Variants in CPEB1 observed in about 807,000 individuals in gnomAD.
The protein encoded by CPEB1 is cytoplasmic polyadenylation element-binding protein 1.
A neutral mutation model predicts 65.8 loss-of-function variants in CPEB1; 7 were observed. The ratio of observed to expected loss-of-function variants is 0.11; its 90% CI spans 0.06 to 0.20. The LOEUF is 0.20. Ranked by LOEUF, CPEB1 falls within the 10% of genes least tolerant of loss-of-function variation. The pLI is 1.00. For synonymous variants in CPEB1, 262 were observed against 260.0 expected (o/e 1.01, Z -0.08); for missense variants, 551 against 712.2 (o/e 0.77, Z 2.58).
rs904780774 is a variant in CPEB1 at position 82,637,892 on chromosome 15, A to G, written c.-98+9245T>C. ...AAGTAGGTCATATGAATATTCACCC[A>G]TTAGAAATTAAAAAGGGGTAGATTT... On this transcript the variant is annotated intron_variant, in intron 1 of 12. Coordinates refer to ENST00000684509, the MANE Select transcript of CPEB1 (RefSeq NM_001365242.1). 4 of 413,254 alleles carry G rather than the reference A, an allele frequency of 9.7e-6. No individual in the cohort carries two copies. In the Admixed American group the frequency reaches 1.1e-4, roughly 11 times the overall value. The allele number at this position is 413,254 out of a possible 1,614,324, so 25.6% of individuals were successfully genotyped here. A position where few individuals can be genotyped will look rare whatever the true frequency, so the allele number is the denominator to read the frequency against.
intron 3 of CPEB1, among the ~76,000 whole-genome samples, chr15:82,605,638 G>A (rs371503286): frequency 2.0e-5 from 3 of 152,174 alleles, no homozygotes; most frequent in African/African-American, 4.8e-5. Flanking sequence ...ACATCACACT[G>A]TACACCATAA....
chr15:82,555,022 C>T (rs1281377706), intron 6 of CPEB1, among the ~76,000 whole-genome samples: 3 of 152,188 alleles, frequency 2.0e-5, no homozygotes, highest in Non-Finnish European at 2.9e-5. Flanking sequence ...AGCAAACAGA[C>T]ACACTGAAGC....
intron 1 of CPEB1, chr15:82,637,966 G>A (rs1428849616): frequency 2.2e-6 from 1 of 451,726 alleles, no homozygotes; most frequent in African/African-American, 2.0e-5. Context: ...GATTTTCCAA[G>A]ACAAAAAAAA....
In CPEB1 at chr15:82,563,331, T is replaced by C. The variant is rs534335638; in HGVS notation, c.461-5345A>G. ...CTAAAGTTAACTGTTTTGTTACATA[T>C]GAATGTATGTAAGATCATCTCTATT... On this transcript the variant is annotated intron_variant, in intron 4 of 12. Transcript: ENST00000684509. 3.3e-5 allele frequency among the ~76,000 whole-genome samples: 5 copies of C among 150,348 alleles called. No homozygotes were observed. The South Asian group carries it at 1.1e-3, about 32-fold the overall frequency.
Position 82,571,324 on chromosome 15 carries a change from A to T in CPEB1, c.460+20T>A. The T allele has an allele frequency of 6.3e-7, 1 of 1,600,000 alleles. No homozygotes were observed. The highest frequency in any genetic ancestry group is 1.3e-5 in the African/African-American group (1 of 74,570). On this transcript the variant is annotated intron_variant, in intron 4 of 12. Transcript: ENST00000684509. Reference sequence around the variant, plus strand: ...CCCATGCATCCCCTTACCCCAGCCAACTCATTCTCTGGCACTCACCCGAGT... The same window carrying T: ...CCCATGCATCCCCTTACCCCAGCCATCTCATTCTCTGGCACTCACCCGAGT...
At chr15:82,575,188 C>T (rs1048989213) in intron 3 of CPEB1, among the ~76,000 whole-genome samples, 4 of 152,210 alleles carry the variant, frequency 2.6e-5, no homozygotes, top group Non-Finnish European at 5.9e-5. Flanking sequence ...ATCTGCACAT[C>T]TGTGTAATCC....
intron 3 of CPEB1, among the ~76,000 whole-genome samples, chr15:82,610,883 G>A (rs1234919173): frequency 4.4e-5 from 6 of 136,428 alleles, no homozygotes; most frequent in African/African-American, 1.1e-4. Context: ...GCTTGAACCC[G>A]GGAGGCAGAG....
At chr15:82,549,258 G>A (rs939375332) in intron 10 of CPEB1, among the ~76,000 whole-genome samples, 2 of 152,230 alleles carry the variant, frequency 1.3e-5, no homozygotes, top group East Asian at 1.9e-4. Flanking sequence ...TTCTCCCACT[G>A]CGTGGGAGAT....
At chr15:82,548,929 C>G (rs1428064988) in intron 10 of CPEB1, among the ~76,000 whole-genome samples, 1 of 152,220 alleles carries the variant, frequency 6.6e-6, no homozygotes, top group Non-Finnish European at 1.5e-5. Flanking sequence ...GAATTGACCT[C>G]CTTTCTCAGA....
At chr15:82,638,236 T>A (rs896312933) in intron 1 of CPEB1, among the ~76,000 whole-genome samples, 1 of 152,196 alleles carries the variant, frequency 6.6e-6, no homozygotes, top group Non-Finnish European at 1.5e-5. Context: ...AGTTACAATA[T>A]GGAATCTGAA....
rs75935532 is a variant in CPEB1, at chr15:82,562,330, G to A, written c.461-4344C>T. 3,806 of 403,860 alleles carry A rather than the reference G, an allele frequency of 9.4e-3. 52 individuals carry two copies. The highest frequency in any genetic ancestry group is 0.032 in the South Asian group (1,751 of 55,252). 25.0% of individuals were successfully genotyped at this position (403,860 alleles called of 1,614,324 possible). A position where few individuals can be genotyped will look rare whatever the true frequency, so the allele number is the denominator to read the frequency against. On this transcript the variant is annotated intron_variant, in intron 4 of 12. Transcript: ENST00000684509. ...GGGTCTTAAATCTATCTAGGGCCTT[G>A]CCACTACAGGAACTCATTAAAAATG... is the stretch of plus-strand genomic sequence containing the variant.
intron 12 of CPEB1, among the ~76,000 whole-genome samples, 172 bp downstream of exon 12, chr15:82,546,269 C>T (rs1001047275): frequency 5.3e-5 from 8 of 152,206 alleles, no homozygotes; most frequent in African/African-American, 1.9e-4. Flanking sequence ...GCCACCACGC[C>T]AGGCTAATTG....
chr15:82,570,390 G>A (rs923478061), intron 4 of CPEB1, among the ~76,000 whole-genome samples: 6 of 71,738 alleles, frequency 8.4e-5, no homozygotes, highest in East Asian at 1.1e-3. Context: ...CCTCCCCCCC[G>A]CCCCTTACCA....
At chr15:82,547,717 G>A (rs563161108) in intron 10 of CPEB1, among the ~76,000 whole-genome samples, 1 of 152,064 alleles carries the variant, frequency 6.6e-6, no homozygotes, top group Non-Finnish European at 1.5e-5. Flanking sequence ...CTGTCACTCA[G>A]GCTGGAGTGT....
intron 1 of CPEB1, chr15:82,629,389 C>G (rs1163045133): frequency 5.1e-6 from 5 of 985,068 alleles, no homozygotes; most frequent in Non-Finnish European, 6.0e-6. Flanking sequence ...TTAGTACATA[C>G]AACTTTATTA....
At chr15:82,551,947 C>G (rs985328682) in intron 9 of CPEB1, among the ~76,000 whole-genome samples, 3 of 152,028 alleles carry the variant, frequency 2.0e-5, no homozygotes, top group African/African-American at 7.3e-5. Context: ...TTAGAAAAAG[C>G]GTAGGAAGAG....
At chr15:82,581,943 A>T (rs1261294576) in intron 3 of CPEB1, among the ~76,000 whole-genome samples, 1 of 152,190 alleles carries the variant, frequency 6.6e-6, no homozygotes, top group Non-Finnish European at 1.5e-5. Flanking sequence ...TATGGGTATG[A>T]CTTAAGCCAA....
intron 3 of CPEB1, among the ~76,000 whole-genome samples, chr15:82,572,762 G>A (rs183175937): frequency 5.3e-5 from 8 of 152,260 alleles, no homozygotes; most frequent in Admixed American, 6.5e-5. Context: ...CAGCCGTGAG[G>A]GCCACTGATG....
chr15:82,598,015 T>A (rs1476465016), intron 3 of CPEB1, among the ~76,000 whole-genome samples: 1 of 152,218 alleles, frequency 6.6e-6, no homozygotes, highest in Non-Finnish European at 1.5e-5. Flanking sequence ...TTCTACTACT[T>A]CACCTGTGAA....
Sources: gnomAD v4.1 joint callset for allele counts (sites outside exome capture counted in the v4.1 genomes callset) on GRCh38, gnomAD v4.1.1 for gene constraint, MANE v1.5 for transcripts, NCBI Gene and HGNC (gene_info 2026-07-23, HGNC 2026-07-21) for gene names.